VKORC1L1: variants seen among roughly 807,000 people sequenced by gnomAD.
VKORC1L1 encodes vitamin K epoxide reductase complex subunit 1L1.
Under a neutral mutation model 18.9 loss-of-function variants are expected in VKORC1L1, and 2 were observed. The ratio of observed to expected loss-of-function variants is 0.11; its 90% CI spans 0.04 to 0.33. The LOEUF is 0.33. Among genes scored for constraint, VKORC1L1 ranks in the 10% least tolerant of loss-of-function variants. The pLI, the probability that VKORC1L1 is intolerant of heterozygous loss-of-function variation, is 1.00. For missense variants in VKORC1L1, 123 were observed against 224.1 expected (o/e 0.55, Z 2.88); for synonymous variants, 96 against 100.0 (o/e 0.96, Z 0.24).
At chr7:65,915,093 CTTTTTTTTTTTTTTT>C (rs1789565060) in intron 1 of VKORC1L1, among the ~76,000 whole-genome samples, 1 of 123,574 alleles carries the variant, frequency 8.1e-6, no homozygotes, top group African/African-American at 2.9e-5. Flanking sequence ...TTTTTTTTTT[CTTTTTTTTTTTTTTT>C]GAGACAAGAG....
At chr7:65,874,207 G>A (rs1788786198) in intron 1 of VKORC1L1, among the ~76,000 whole-genome samples, 1 of 152,068 alleles carries the variant, frequency 6.6e-6, no homozygotes, top group Admixed American at 6.6e-5. Flanking sequence ...GAAGATACCC[G>A]CACTTAACAT....
intron 1 of VKORC1L1, among the ~76,000 whole-genome samples, chr7:65,920,515 T>C (rs1789658175): frequency 6.6e-6 from 1 of 152,056 alleles, no homozygotes; most frequent in African/African-American, 2.4e-5. Flanking sequence ...GTGTACATAA[T>C]TTGAGATAGA....
intron 1 of VKORC1L1, among the ~76,000 whole-genome samples, chr7:65,937,436 T>C (rs1311682065): frequency 1.3e-5 from 2 of 152,202 alleles, no homozygotes; most frequent in African/African-American, 4.8e-5. Context: ...TCTCATTCTT[T>C]TAGGCTGGAG....
chr7:65,942,402 A>G (rs961023933), intron 1 of VKORC1L1, among the ~76,000 whole-genome samples: 4 of 150,314 alleles, frequency 2.7e-5, no homozygotes, highest in African/African-American at 9.8e-5. Context: ...TGAGGCAGGA[A>G]AATGGCATGA....
Position 65,935,412 on chromosome 7 carries a change from C to T in VKORC1L1, c.195-13259C>T, listed in dbSNP as rs1349514225. Among the ~76,000 whole-genome samples the T allele has an allele frequency of 3.3e-5, 5 of 152,020 alleles. No individual in the cohort carries two copies. In the South Asian group the frequency reaches 6.2e-4, roughly 19 times the overall value. ...GCAACCTCTGCCTCCCAAGTTCAAG[C>T]GATTCTCCTGCCTCAGCCTCCCGAG... is the stretch of plus-strand genomic sequence containing the variant. On this transcript the variant is annotated intron_variant, in intron 1 of 2. Coordinates refer to ENST00000360768, the MANE Select transcript of VKORC1L1 (RefSeq NM_173517.6).
chr7:65,900,026 T>C (rs997842488), intron 1 of VKORC1L1, among the ~76,000 whole-genome samples: 3 of 149,794 alleles, frequency 2.0e-5, no homozygotes, highest in African/African-American at 7.4e-5. Flanking sequence ...TTTGTGCGTG[T>C]GTGCATGTGC....
At chr7:65,901,765 GA>G (rs1789321478) in intron 1 of VKORC1L1, among the ~76,000 whole-genome samples, 1 of 152,110 alleles carries the variant, frequency 6.6e-6, no homozygotes, top group African/African-American at 2.4e-5. Flanking sequence ...GGAGTCTCCT[GA>G]AATCTGGTTG....
At chr7:65,900,941 G>C (rs950181075) in intron 1 of VKORC1L1, among the ~76,000 whole-genome samples, 2 of 152,204 alleles carry the variant, frequency 1.3e-5, no homozygotes, top group African/African-American at 4.8e-5. Context: ...TTCTGCAAAA[G>C]AGGTTATGAA....
chr7:65,917,814 C>T (rs1188896022), intron 1 of VKORC1L1, among the ~76,000 whole-genome samples: 6 of 152,144 alleles, frequency 3.9e-5, no homozygotes, highest in Admixed American at 6.6e-5. Context: ...ATGAAATACA[C>T]AGATTTGAAA....
chr7:65,877,715 G>A (rs1156733700), intron 1 of VKORC1L1, among the ~76,000 whole-genome samples: 2 of 152,158 alleles, frequency 1.3e-5, no homozygotes, highest in African/African-American at 4.8e-5. Context: ...GGGTTTCTAT[G>A]TAAGAATAGT....
intron 1 of VKORC1L1, among the ~76,000 whole-genome samples, chr7:65,899,228 G>A (rs1043505463): frequency 6.6e-6 from 1 of 152,176 alleles, no homozygotes; most frequent in Non-Finnish European, 1.5e-5. Flanking sequence ...CAAAATGCAG[G>A]CTCAAGGCCG....
chr7:65,933,610 T>C (rs1053824892), intron 1 of VKORC1L1, among the ~76,000 whole-genome samples: 1 of 152,210 alleles, frequency 6.6e-6, no homozygotes, highest in African/African-American at 2.4e-5. Context: ...AAATAGCATA[T>C]ACTTGGGTCT....
rs571013786 is a variant in VKORC1L1 at position 65,896,116 on chromosome 7, C to T, written c.194+22551C>T. On this transcript the variant is annotated intron_variant, in intron 1 of 2. Coordinates refer to ENST00000360768, the MANE Select transcript of VKORC1L1 (RefSeq NM_173517.6). ...CGGGGGTTTCACCATGTTGGCCAGG[C>T]TCGTTTTGAACTCCTGACCTCAAGT... Among the ~76,000 whole-genome samples, 4 of 149,494 alleles carry T rather than the reference C, an allele frequency of 2.7e-5. No homozygotes were observed. The East Asian group carries it at 7.9e-4, about 29-fold the overall frequency.
At chr7:65,882,025 A>T (rs2116334452) in intron 1 of VKORC1L1, among the ~76,000 whole-genome samples, 1 of 152,080 alleles carries the variant, frequency 6.6e-6, no homozygotes, top group African/African-American at 2.4e-5. Context: ...GGTTGCAGTG[A>T]GCTGAGATCA....
chr7:65,878,732 G>A (rs1183176108), intron 1 of VKORC1L1, among the ~76,000 whole-genome samples: 20 of 151,940 alleles, frequency 1.3e-4, no homozygotes, highest in South Asian at 4.2e-4. Flanking sequence ...GTGAAACCCC[G>A]TCTCTACTAA....
chr7:65,909,670 T>C (rs1015276698), intron 1 of VKORC1L1, among the ~76,000 whole-genome samples: 1 of 151,044 alleles, frequency 6.6e-6, no homozygotes, highest in Non-Finnish European at 1.5e-5. Context: ...CTTTGAAGCT[T>C]CTAACTTTTG....
chr7:65,905,168 C>T (rs545824511), intron 1 of VKORC1L1, among the ~76,000 whole-genome samples: 9 of 152,030 alleles, frequency 5.9e-5, no homozygotes, highest in East Asian at 1.9e-4. Flanking sequence ...AACTTTTAAT[C>T]GTGAACATTT....
chr7:65,939,231 A>G (rs529979316), intron 1 of VKORC1L1, among the ~76,000 whole-genome samples: 2 of 152,342 alleles, frequency 1.3e-5, no homozygotes, highest in South Asian at 2.1e-4. Context: ...CAGAAATACT[A>G]TCCTGTAAAT....
At chr7:65,901,351 A>G (rs899645101) in intron 1 of VKORC1L1, among the ~76,000 whole-genome samples, 2 of 152,186 alleles carry the variant, frequency 1.3e-5, no homozygotes, top group African/African-American at 2.4e-5. Flanking sequence ...GTGAGACCCT[A>G]TCTCAAAACA....
Sources: gnomAD v4.1 joint callset for allele counts (sites outside exome capture counted in the v4.1 genomes callset) on GRCh38, gnomAD v4.1.1 for gene constraint, MANE v1.5 for transcripts, NCBI Gene and HGNC (gene_info 2026-07-23, HGNC 2026-07-21) for gene names.